ITPR2: variants seen among roughly 807,000 people sequenced by gnomAD.
ITPR2 encodes the protein inositol 1,4,5-trisphosphate-gated calcium channel ITPR2.
Under a neutral mutation model 317.1 loss-of-function variants are expected in ITPR2, and 207 were observed. That is an observed-to-expected ratio of 0.65 (90% CI 0.58 to 0.73). The LOEUF is 0.73. Among genes scored for constraint, ITPR2 ranks in the 30% least tolerant of loss-of-function variants. The pLI is 0.00. For synonymous variants in ITPR2, 1,156 were observed against 1,149.1 expected (o/e 1.01, Z -0.12); for missense variants, 2,613 against 3,284.0 (o/e 0.80, Z 4.99).
At chr12:26,604,313 G>A (rs1042843854) in intron 26 of ITPR2, among the ~76,000 whole-genome samples, 5 of 152,038 alleles carry the variant, frequency 3.3e-5, no homozygotes, top group Non-Finnish European at 5.9e-5. Context: ...TTTAACAAGT[G>A]ACCCCCTCCT....
rs75448002 is a variant in ITPR2, at chr12:26,422,467, G to A, written c.6946-3254C>T. Reference sequence around the variant, plus strand: ...GCAGAAAGACACTGAATTAGAAGGCGGGTCATCTGGTTTCAATCTTGGCTA... The same window carrying A: ...GCAGAAAGACACTGAATTAGAAGGCAGGTCATCTGGTTTCAATCTTGGCTA... On this transcript the variant is annotated intron_variant, in intron 49 of 56. Coordinates refer to ENST00000381340, the MANE Select transcript of ITPR2 (RefSeq NM_002223.4). Among the ~76,000 whole-genome samples the A allele has an allele frequency of 2.6e-3, 402 of 152,134 alleles. 1 individual carries two copies. The highest frequency in any genetic ancestry group is 3.3e-3 in the Non-Finnish European group (227 of 67,974).
intron 1 of ITPR2, among the ~76,000 whole-genome samples, chr12:26,796,534 G>GA (rs899025092): frequency 1.3e-5 from 2 of 152,130 alleles, no homozygotes; most frequent in Admixed American, 6.5e-5. Context: ...AAGCAATTTG[G>GA]AAAAAATGTG....
At chr12:26,633,194 C>A (rs1946792370) in intron 21 of ITPR2, among the ~76,000 whole-genome samples, 2 of 150,264 alleles carry the variant, frequency 1.3e-5, no homozygotes, top group Middle Eastern at 3.5e-3. Context: ...CATGGTAATA[C>A]CTACAGGATC....
At chr12:26,816,984 C>A (rs183288260) in intron 1 of ITPR2, among the ~76,000 whole-genome samples, 2 of 151,696 alleles carry the variant, frequency 1.3e-5, no homozygotes, top group African/African-American at 2.4e-5. Flanking sequence ...TCAAGACCAT[C>A]CTGGCTAACA....
chr12:26,429,708 C>CA (rs1941155723), intron 48 of ITPR2, among the ~76,000 whole-genome samples: 2 of 152,148 alleles, frequency 1.3e-5, no homozygotes, highest in Admixed American at 6.5e-5. Context: ...AGTAAATAAA[C>CA]AAAAATATAT....
intron 45 of ITPR2, among the ~76,000 whole-genome samples, chr12:26,463,495 G>A (rs377561539): frequency 9.2e-5 from 14 of 151,938 alleles, no homozygotes; most frequent in South Asian, 2.1e-4. Flanking sequence ...GGAGAAACCC[G>A]TCTCTACTAA....
intron 6 of ITPR2, 69 bp downstream of exon 6, chr12:26,716,075 T>C (rs1333452041): frequency 3.0e-6 from 3 of 994,460 alleles, no homozygotes; most frequent in Non-Finnish European, 4.7e-6. Flanking sequence ...AAAGAAACTA[T>C]ATTACTTTTT....
At chr12:26,682,503 A>T (rs748874858) in intron 12 of ITPR2, 71 bp downstream of exon 12, 65 of 922,220 alleles carry the variant, frequency 7.0e-5, no homozygotes, top group Admixed American at 2.3e-4. Context: ...CATGTGTCAC[A>T]CAGCATTCCT....
intron 45 of ITPR2, among the ~76,000 whole-genome samples, chr12:26,464,307 A>G (rs1942114756): frequency 6.6e-6 from 1 of 152,260 alleles, no homozygotes; most frequent in Non-Finnish European, 1.5e-5. Flanking sequence ...AGGCGGTCCC[A>G]TCTGGGGGTG....
intron 34 of ITPR2, among the ~76,000 whole-genome samples, chr12:26,566,146 A>G (rs1263193768): frequency 7.2e-5 from 7 of 97,676 alleles, no homozygotes; most frequent in Non-Finnish European, 8.3e-5. Context: ...GAGGAGAGGA[A>G]AGGAGAAGGA....
At chr12:26,397,046 C>G (rs1940023455) in intron 54 of ITPR2, among the ~76,000 whole-genome samples, 1 of 151,920 alleles carries the variant, frequency 6.6e-6, no homozygotes, top group Non-Finnish European at 1.5e-5. Flanking sequence ...GCTTCTGGTA[C>G]TGTTTCCTGA....
rs181551789 is a variant in ITPR2 at position 26,360,228 on chromosome 12, T to C, written c.7858-19900A>G. On this transcript the variant is annotated intron_variant, in intron 55 of 56. Coordinates refer to ENST00000381340, the MANE Select transcript of ITPR2 (RefSeq NM_002223.4). The stretch of plus-strand genomic sequence containing the variant: ...TTCCAGCGTATCTGTAGCCCTTCCT[T>C]GTTTTACTAAACACACCACGAATCC... 1.8e-4 allele frequency among the ~76,000 whole-genome samples: 27 copies of C among 152,320 alleles called. 1 individual carries two copies. The East Asian group carries it at 3.7e-3, about 21-fold the overall frequency.
At chr12:26,813,330 T>C (rs1950788973) in intron 1 of ITPR2, among the ~76,000 whole-genome samples, 1 of 152,242 alleles carries the variant, frequency 6.6e-6, no homozygotes, top group African/African-American at 2.4e-5. Context: ...TATTAATTCA[T>C]GCTTGTTGTG....
chr12:26,414,584 A>G (rs1940661605), intron 51 of ITPR2, among the ~76,000 whole-genome samples: 1 of 152,142 alleles, frequency 6.6e-6, no homozygotes, highest in Admixed American at 6.6e-5. Context: ...TCAGAAGCTT[A>G]ACCAAAACAA....
rs867728448 is a variant in ITPR2, at chr12:26,672,843, C to T, written c.1410-6792G>A. ...AAAAAAGAGAGAAGAATCAAATAGA[C>T]GCAATAAAAAATGATAAAGGGGATA... On this transcript the variant is annotated intron_variant, in intron 13 of 56. Coordinates refer to ENST00000381340, the MANE Select transcript of ITPR2 (RefSeq NM_002223.4). Among the ~76,000 whole-genome samples, 455 of 151,586 alleles carry T rather than the reference C, an allele frequency of 3.0e-3. 1 individual carries two copies. The highest frequency in any genetic ancestry group is 9.6e-3 in the African/African-American group (398 of 41,304).
rs745856395 is a variant in ITPR2 at position 26,599,238 on chromosome 12, A to G, written c.3909T>C (p.His1303=). 3.1e-6 allele frequency: 5 copies of G among 1,614,014 alleles called. No homozygotes were observed. The highest frequency in any genetic ancestry group is 3.4e-6 in the Non-Finnish European group (4 of 1,179,966). The part of the protein sequence containing the change: ...VQHFVHCIET[H]GRHVEYLRFL... ...ACCTCAGGTACTCCACGTGGCGGCCATGTGTCTCAATGCAGTGCACAAAGT... is the reference window on the plus strand; with the variant it reads ...ACCTCAGGTACTCCACGTGGCGGCCGTGTGTCTCAATGCAGTGCACAAAGT... The change falls in exon 30 of 57, where the codon CAT becomes CAC. Residue 1303 remains histidine, a synonymous_variant. Coordinates refer to ENST00000381340, the MANE Select transcript of ITPR2 (RefSeq NM_002223.4).
chr12:26,395,186 A>C (rs558957079), intron 54 of ITPR2, among the ~76,000 whole-genome samples: 1 of 152,260 alleles, frequency 6.6e-6, no homozygotes, highest in East Asian at 1.9e-4. Context: ...CAAGGAGTCA[A>C]GGGCAAAATC....
At chr12:26,464,114 A>G (rs750375957) in intron 45 of ITPR2, among the ~76,000 whole-genome samples, 81 of 151,946 alleles carry the variant, frequency 5.3e-4, no homozygotes, top group Non-Finnish European at 1.1e-3. Flanking sequence ...GCAGTCCCCA[A>G]CCTTTTTGGC....
chr12:26,659,351 G>A, intron 15 of ITPR2, 66 bp from the exon 16 acceptor site: 2 of 1,328,222 alleles, frequency 1.5e-6, no homozygotes, highest in South Asian at 1.3e-5. Context: ...TTCTATTAGG[G>A]TCAACAACAT....
Sources: gnomAD v4.1 joint callset for allele counts (sites outside exome capture counted in the v4.1 genomes callset) on GRCh38, gnomAD v4.1.1 for gene constraint, MANE v1.5 for transcripts, NCBI Gene and HGNC (gene_info 2026-07-23, HGNC 2026-07-21) for gene names.